Variants in GLRA3 observed in about 807,000 individuals in gnomAD.
GLRA3 encodes glycine receptor subunit alpha-3.
Under a neutral mutation model 60.4 loss-of-function variants are expected in GLRA3, and 44 were observed. The observed-to-expected ratio is 0.73, with a 90% CI of 0.57 to 0.94. The LOEUF (loss-of-function observed/expected upper bound fraction) is 0.94. GLRA3 is among the 40% of genes least tolerant of loss of function. The probability of loss-of-function intolerance (pLI) is 0.00; values close to 1 mark genes in which losing one functional copy is unlikely to be tolerated. For missense variants in GLRA3, 508 were observed against 564.6 expected, an observed-to-expected ratio of 0.90 and a Z score of 1.02; for synonymous variants, 223 against 192.9, an observed-to-expected ratio of 1.16 and a Z score of -1.29.
chr4:174,810,119 G>A (rs1740202391), intron 1 of GLRA3, among the ~76,000 whole-genome samples: 1 of 152,102 alleles, frequency 6.6e-6, no homozygotes, highest in Non-Finnish European at 1.5e-5. Flanking sequence ...TGGTCTCATG[G>A]AGTTTACATT....
intron 2 of GLRA3, among the ~76,000 whole-genome samples, chr4:174,778,181 G>C (rs1346407784): frequency 3.3e-5 from 5 of 152,118 alleles, no homozygotes; most frequent in Non-Finnish European, 5.9e-5. Context: ...GTCTGCGCCT[G>C]GGGATGTGGT....
intron 9 of GLRA3, among the ~76,000 whole-genome samples, chr4:174,650,204 A>T (rs915427367): frequency 1.3e-5 from 2 of 152,024 alleles, no homozygotes; most frequent in South Asian, 2.1e-4. Flanking sequence ...TTCTATTATT[A>T]AAAAAAAGAG....
chr4:174,753,864 A>C (rs932232918), intron 3 of GLRA3, among the ~76,000 whole-genome samples: 5 of 152,152 alleles, frequency 3.3e-5, no homozygotes, highest in Non-Finnish European at 7.4e-5. Flanking sequence ...TGCAATTTTT[A>C]AATTTACTTG....
chr4:174,732,556 C>A (rs1300204395), intron 3 of GLRA3, among the ~76,000 whole-genome samples: 2 of 151,942 alleles, frequency 1.3e-5, no homozygotes, highest in African/African-American at 2.4e-5. Context: ...AAACCTGGAA[C>A]CAATTCAAAT....
At chr4:174,790,416 C>G (rs886891719) in intron 1 of GLRA3, among the ~76,000 whole-genome samples, 1 of 151,984 alleles carries the variant, frequency 6.6e-6, no homozygotes, top group Non-Finnish European at 1.5e-5. Flanking sequence ...CTCAATGACT[C>G]TAGAGCTTTA....
rs977471103 is a variant in GLRA3 at position 174,828,866 on chromosome 4, C to T, written c.-55G>A. ...ATAGTCTTATCCAAGGCATGGGGAA[C>T]CAGAAAGACAGAATGAAAATGTACA... is the stretch of plus-strand genomic sequence containing the variant. On this transcript the variant is annotated 5_prime_UTR_variant, in exon 1 of 10. Transcript: ENST00000274093. 8.6e-7 allele frequency: 1 copy of T among 1,156,366 alleles called. No homozygotes were observed. Among genetic ancestry groups the T allele is most frequent in the African/African-American group, 1.5e-5 (1 of 66,472 alleles). The allele number at this position is 1,156,366 out of a possible 1,614,324, so 71.6% of individuals were successfully genotyped here. A position where few individuals can be genotyped will look rare whatever the true frequency, so the allele number is the denominator to read the frequency against.
intron 1 of GLRA3, among the ~76,000 whole-genome samples, chr4:174,804,082 G>A (rs1487457204): frequency 6.6e-6 from 1 of 152,014 alleles, no homozygotes; most frequent in East Asian, 1.9e-4. Context: ...TTTGGTTTTG[G>A]TTTTGGTATA....
At chr4:174,702,545 G>GA (rs879683739) in intron 5 of GLRA3, among the ~76,000 whole-genome samples, 2 of 148,754 alleles carry the variant, frequency 1.3e-5, no homozygotes, top group Non-Finnish European at 1.5e-5. Flanking sequence ...TGGTGAGTTA[G>GA]AAAAAAAAAA....
chr4:174,700,275 T>C (rs904076562), intron 5 of GLRA3, among the ~76,000 whole-genome samples: 13 of 152,220 alleles, frequency 8.5e-5, no homozygotes, highest in Admixed American at 1.3e-4. Flanking sequence ...AATTGAAGAT[T>C]TGTGGCAACC....
intron 3 of GLRA3, among the ~76,000 whole-genome samples, chr4:174,730,977 A>C (rs1405882963): frequency 6.6e-6 from 1 of 152,200 alleles, no homozygotes; most frequent in African/African-American, 2.4e-5. Context: ...AATCGCTAAA[A>C]GAATAAATTT....
At chr4:174,778,493 C>A (rs1395682980) in intron 2 of GLRA3, among the ~76,000 whole-genome samples, 1 of 152,170 alleles carries the variant, frequency 6.6e-6, no homozygotes, top group Non-Finnish European at 1.5e-5. Flanking sequence ...CGAATAGGAA[C>A]AGCTCCTGTC....
At chr4:174,754,262 A>G (rs191297220) in intron 3 of GLRA3, among the ~76,000 whole-genome samples, 1 of 152,156 alleles carries the variant, frequency 6.6e-6, no homozygotes, top group Non-Finnish European at 1.5e-5. Flanking sequence ...TTTTGCAAGC[A>G]TCCCCATAAA....
chr4:174,777,855 C>T (rs374835473), intron 2 of GLRA3, among the ~76,000 whole-genome samples: 2 of 152,092 alleles, frequency 1.3e-5, no homozygotes, highest in East Asian at 1.9e-4. Context: ...TAAAACTGCT[C>T]TTTAAAACAA....
chr4:174,647,411 GAAA>G (rs11424236), intron 9 of GLRA3, among the ~76,000 whole-genome samples: 2 of 134,990 alleles, frequency 1.5e-5, no homozygotes, highest in African/African-American at 5.3e-5. Flanking sequence ...CCCATCTCAA[GAAA>G]AAAAAAAAAA....
At chr4:174,753,963 AT>A (rs34815169) in intron 3 of GLRA3, among the ~76,000 whole-genome samples, 13 of 150,682 alleles carry the variant, frequency 8.6e-5, no homozygotes, top group African/African-American at 2.9e-4. Context: ...CAGGATACAG[AT>A]TTTTTTTTTC....
chr4:174,723,993 C>A (rs539783112), intron 4 of GLRA3, among the ~76,000 whole-genome samples: 3 of 151,138 alleles, frequency 2.0e-5, no homozygotes, highest in South Asian at 2.1e-4. Flanking sequence ...GTCTAAACTT[C>A]TTCTATAGAC....
chr4:174,800,810 A>G (rs1257794470), intron 1 of GLRA3, among the ~76,000 whole-genome samples: 2 of 152,036 alleles, frequency 1.3e-5, no homozygotes, highest in South Asian at 2.1e-4. Flanking sequence ...TGATGATTCA[A>G]CTTACTATTT....
chr4:174,700,380 A>C lies in GLRA3; in HGVS notation c.574+15108T>G, dbSNP rs544493763. On this transcript the variant is annotated intron_variant, in intron 5 of 9. Transcript: ENST00000274093. Reference sequence around the variant, plus strand: ...TTTCAGTACTTGTCATAATATTTCAAACTTTGTCATTATTACGATATCTGT... The same window carrying C: ...TTTCAGTACTTGTCATAATATTTCACACTTTGTCATTATTACGATATCTGT... 1.9e-4 allele frequency among the ~76,000 whole-genome samples: 29 copies of C among 152,120 alleles called. 1 individual carries two copies. The highest frequency in any genetic ancestry group is 2.4e-4 in the Non-Finnish European group (16 of 68,020).
At chr4:174,684,490 T>C (rs1734475576) in intron 5 of GLRA3, among the ~76,000 whole-genome samples, 1 of 152,222 alleles carries the variant, frequency 6.6e-6, no homozygotes, top group African/African-American at 2.4e-5. Context: ...TATTTCTATA[T>C]GGGAGGTATC....
Sources: gnomAD v4.1 joint callset for allele counts (sites outside exome capture counted in the v4.1 genomes callset) on GRCh38, gnomAD v4.1.1 for gene constraint, MANE v1.5 for transcripts, NCBI Gene and HGNC (gene_info 2026-07-23, HGNC 2026-07-21) for gene names.